NLRP11: variants seen among roughly 807,000 people sequenced by gnomAD.
The protein encoded by NLRP11 is NACHT, LRR and PYD domains-containing protein 11.
In NLRP11, 53 loss-of-function variants were observed where a neutral mutation model predicts 79.3. The ratio of observed to expected loss-of-function variants is 0.67; its 90% CI spans 0.54 to 0.84. The LOEUF (loss-of-function observed/expected upper bound fraction) is 0.84. NLRP11 is among the 40% of genes least tolerant of loss of function. NLRP11 has a pLI of 0.00. For synonymous variants in NLRP11, 518 were observed against 462.6 expected (o/e 1.12, Z -1.54); for missense variants, 1,264 against 1,255.0 (o/e 1.01, Z -0.11).
At chr19:55,793,072 G>A (rs1978432842) in intron 6 of NLRP11, among the ~76,000 whole-genome samples, 1 of 151,984 alleles carries the variant, frequency 6.6e-6, no homozygotes, top group Non-Finnish European at 1.5e-5. Context: ...AGAGATGGGG[G>A]TCTCACTGTG....
chr19:55,804,874 C>T (rs914627272), intron 4 of NLRP11, among the ~76,000 whole-genome samples: 1 of 152,026 alleles, frequency 6.6e-6, no homozygotes, highest in Non-Finnish European at 1.5e-5. Context: ...ACCATCCTGG[C>T]TAACATAGTG....
chr19:55,789,384 G>C (rs761682058), exon 8 of NLRP11: 1 of 1,613,384 alleles, frequency 6.2e-7, no homozygotes, highest in South Asian at 1.1e-5. Flanking sequence ...CGCTGCTAAA[G>C]AAACAGCCAG....
At chr19:55,808,473 AG>A (rs201440877) in intron 3 of NLRP11, among the ~76,000 whole-genome samples, 3,912 of 152,260 alleles carry the variant, frequency 0.026, 62 homozygotes, top group South Asian at 0.07. Context: ...AACGGGGAAA[AG>A]GGGACCCTAC....
At chr19:55,791,735 G>T (rs553733612) in intron 7 of NLRP11, among the ~76,000 whole-genome samples, 1 of 152,066 alleles carries the variant, frequency 6.6e-6, no homozygotes, top group Non-Finnish European at 1.5e-5. Flanking sequence ...TGATTATTCA[G>T]CATCATTGAT....
At chr19:55,814,447 T>C (rs918821527) in intron 2 of NLRP11, among the ~76,000 whole-genome samples, 1 of 152,156 alleles carries the variant, frequency 6.6e-6, no homozygotes, top group African/African-American at 2.4e-5. Context: ...TTGTCTTCCG[T>C]GAAACTGGTG....
chr19:55,831,256 C>T (rs1982761657), intron 1 of NLRP11, among the ~76,000 whole-genome samples: 1 of 151,362 alleles, frequency 6.6e-6, no homozygotes, highest in African/African-American at 2.4e-5. Flanking sequence ...AACTGACGGG[C>T]ATTAACATTA....
At position 55,802,010 on chromosome 19, in the gene NLRP11, A is replaced by G. The variant is rs569014761; in HGVS notation, c.2004-271T>C. Among the ~76,000 whole-genome samples, 6 of 152,280 alleles carry G rather than the reference A, an allele frequency of 3.9e-5. No homozygotes were observed. The South Asian group carries it at 1.2e-3, about 32-fold the overall frequency. Reference sequence around the variant, plus strand: ...GGGACCCACAAGCCGGATACTAAGAATACATCCACATGCACAAAGATATTA... The same window carrying G: ...GGGACCCACAAGCCGGATACTAAGAGTACATCCACATGCACAAAGATATTA... On this transcript the variant is annotated intron_variant, in intron 4 of 9. Coordinates refer to ENST00000589093, the Ensembl canonical transcript of NLRP11.
intron 5 of NLRP11, among the ~76,000 whole-genome samples, chr19:55,800,676 C>A (rs1457816554): frequency 6.6e-6 from 1 of 152,094 alleles, no homozygotes; most frequent in Non-Finnish European, 1.5e-5. Flanking sequence ...AGGACACGGG[C>A]ATGTGAATTA....
intron 1 of NLRP11, among the ~76,000 whole-genome samples, chr19:55,823,058 G>T (rs1330451335): frequency 6.7e-6 from 1 of 148,788 alleles, no homozygotes; most frequent in Non-Finnish European, 1.5e-5. Flanking sequence ...GCACGCAGCT[G>T]GAGATCTGAG....
rs191802613 is a variant in NLRP11 at position 55,815,893 on chromosome 19, C to G, written c.271+2011G>C. Among the ~76,000 whole-genome samples the G allele has an allele frequency of 1.4e-4, 21 of 152,096 alleles. No homozygotes were observed. In the East Asian group the frequency reaches 3.7e-3, roughly 27 times the overall value. ...GGTATAGCTTTAAATATAGAAGAAG[C>G]CTAAACAAAAAGATACTTGTGATTG... On this transcript the variant is annotated intron_variant, in intron 2 of 9. Coordinates refer to ENST00000589093, the Ensembl canonical transcript of NLRP11.
At chr19:55,797,124 T>A (rs1978994488) in intron 5 of NLRP11, among the ~76,000 whole-genome samples, 1 of 152,084 alleles carries the variant, frequency 6.6e-6, no homozygotes, top group Non-Finnish European at 1.5e-5. Context: ...GGACCCTATT[T>A]TTTAAAAAAA....
intron 1 of NLRP11, among the ~76,000 whole-genome samples, chr19:55,831,562 AAAAT>A (rs892658179): frequency 6.6e-5 from 10 of 152,112 alleles, no homozygotes; most frequent in South Asian, 6.2e-4. Flanking sequence ...ACTCCGTCTC[AAAAT>A]AAATAAATAA....
At chr19:55,824,348 G>T (rs1019740679) in intron 1 of NLRP11, among the ~76,000 whole-genome samples, 2 of 148,184 alleles carry the variant, frequency 1.3e-5, no homozygotes, top group African/African-American at 2.5e-5. Context: ...GGAAGAAACT[G>T]CATCAACTAA....
chr19:55,809,467 C>G lies in NLRP11; in HGVS notation c.1143G>C (p.Glu381Asp). Residue 381 changes from glutamate (E) to aspartate (D), a missense_variant, in exon 3 of 10, where the codon GAG (glutamate) becomes GAC (aspartate). Physicochemically the swap from Glu to Asp is conservative, Grantham distance 45. Transcript: ENST00000589093. The surrounding 1 kb of genome is among the most constrained non-coding windows in gnomAD (Gnocchi z 4.5). Reference sequence around the variant, plus strand: ...GATACTGATTGGCAGTAAGTCCAGCCTCTGATGTCAACGCATCAGCAAGAA... The same window carrying G: ...GATACTGATTGGCAGTAAGTCCAGCGTCTGATGTCAACGCATCAGCAAGAA... 6.2e-7 allele frequency: 1 copy of G among 1,614,176 alleles called. No homozygotes were observed. Among genetic ancestry groups the G allele is most frequent in the Non-Finnish European group, 8.5e-7 (1 of 1,180,026 alleles).
At chr19:55,796,236 T>A in exon 6 of NLRP11, 1 of 1,611,180 alleles carries the variant, frequency 6.2e-7, no homozygotes, top group Admixed American at 1.7e-5. Flanking sequence ...GGCTCGCAAA[T>A]CACATTTCAT....
chr19:55,831,706 G>T (rs1291128752), intron 1 of NLRP11, among the ~76,000 whole-genome samples: 4 of 151,580 alleles, frequency 2.6e-5, no homozygotes, highest in African/African-American at 9.7e-5. Context: ...AAAACATCAT[G>T]CTGCACACAC....
intron 1 of NLRP11, among the ~76,000 whole-genome samples, chr19:55,818,782 G>C (rs1044128476): frequency 5.3e-5 from 8 of 152,094 alleles, no homozygotes; most frequent in African/African-American, 7.2e-5. Flanking sequence ...CTGCTGAAAA[G>C]AAATCTAAGT....
chr19:55,792,281 G>T lies in NLRP11; in HGVS notation c.2513+20C>A, dbSNP rs1978338717. 6.2e-7 allele frequency: 1 copy of T among 1,609,586 alleles called. No individual in the cohort carries two copies. Among genetic ancestry groups the T allele is most frequent in the African/African-American group, 1.3e-5 (1 of 74,838 alleles). ...ATGCAGTAGAAACACAGTCATCCAG[G>T]ACAACTGTGGGAGACTTACTGAAGC... On this transcript the variant is annotated intron_variant, in intron 7 of 9. Coordinates refer to ENST00000589093, the Ensembl canonical transcript of NLRP11.
intron 6 of NLRP11, among the ~76,000 whole-genome samples, chr19:55,794,715 G>A (rs770955472): frequency 1.2e-4 from 18 of 151,812 alleles, no homozygotes; most frequent in African/African-American, 3.1e-4. Flanking sequence ...AGCCGAGATC[G>A]CGCCACCGCA....
Sources: gnomAD v4.1 joint callset for allele counts (sites outside exome capture counted in the v4.1 genomes callset) on GRCh38, gnomAD v4.1.1 for gene constraint, Gnocchi (gnomAD v3.1) non-coding constraint, MANE v1.5 for transcripts, NCBI Gene and HGNC (gene_info 2026-07-23, HGNC 2026-07-21) for gene names.